The following TRPC5 variants were observed in gnomAD, a reference collection of about 807,000 sequenced individuals.
TRPC5 encodes the protein transient receptor potential cation channel subfamily C member 5.
Under a neutral mutation model 56.5 loss-of-function variants are expected in TRPC5, and 9 were observed. That is an observed-to-expected ratio of 0.16 (90% CI 0.10 to 0.28). The LOEUF (loss-of-function observed/expected upper bound fraction) is 0.28, where lower values mean the gene tolerates loss of function less well. Ranked by LOEUF, TRPC5 falls within the 10% of genes least tolerant of loss-of-function variation. TRPC5 has a pLI of 1.00. For synonymous variants in TRPC5, 282 were observed against 278.5 expected, an observed-to-expected ratio of 1.01 and a Z score of -0.13; for missense variants, 469 against 748.9, an observed-to-expected ratio of 0.63 and a Z score of 4.36.
intron 1 of TRPC5, among the ~76,000 whole-genome samples, chrX:112,034,178 A>AT (rs1929662722): frequency 9.0e-6 from 1 of 111,661 alleles, no homozygotes; most frequent in Admixed American, 9.5e-5. Flanking sequence ...AATGCCATTG[A>AT]TTTTGATATA....
intron 3 of TRPC5, among the ~76,000 whole-genome samples, chrX:111,908,184 G>C (rs766829800): frequency 6.3e-5 from 7 of 111,614 alleles, no homozygotes; most frequent in Admixed American, 3.8e-4. Flanking sequence ...GATTAGGAAG[G>C]ATTACAGTTT....
intron 1 of TRPC5, among the ~76,000 whole-genome samples, chrX:111,972,577 C>T (rs780034450): frequency 3.6e-5 from 4 of 112,311 alleles, no homozygotes; most frequent in Admixed American, 9.4e-5. Context: ...ATTTGCACTG[C>T]GTGCTTGGTG....
At chrX:111,967,470 A>G (rs1427592738) in intron 1 of TRPC5, among the ~76,000 whole-genome samples, 1 of 111,819 alleles carries the variant, frequency 8.9e-6, no homozygotes, top group Non-Finnish European at 1.9e-5. Flanking sequence ...ACAGAACTGG[A>G]AAAAAACTAC....
chrX:112,066,547 G>T (rs936379685), intron 1 of TRPC5, among the ~76,000 whole-genome samples: 2 of 112,089 alleles, frequency 1.8e-5, no homozygotes, highest in African/African-American at 6.5e-5. Flanking sequence ...GAAAAGCATG[G>T]TCTCTTCTCC....
intron 7 of TRPC5, among the ~76,000 whole-genome samples, chrX:111,791,591 A>G (rs948254758): frequency 8.9e-6 from 1 of 112,135 alleles, no homozygotes; most frequent in Non-Finnish European, 1.9e-5. Context: ...CAACATGACC[A>G]TCCAAGGGCT....
intron 7 of TRPC5, among the ~76,000 whole-genome samples, chrX:111,786,626 G>C (rs1286803158): frequency 1.8e-5 from 2 of 110,687 alleles, no homozygotes; most frequent in Non-Finnish European, 3.8e-5. Flanking sequence ...TGGCAAATTG[G>C]ATAAAGAGTC....
intron 1 of TRPC5, among the ~76,000 whole-genome samples, chrX:112,027,585 C>T (rs1242213680): frequency 9.0e-6 from 1 of 111,387 alleles, no homozygotes; most frequent in African/African-American, 3.3e-5. Context: ...CAAGCTCCGC[C>T]TCCCGGGTTC....
intron 7 of TRPC5, among the ~76,000 whole-genome samples, chrX:111,783,123 G>A (rs184736613): frequency 8.9e-6 from 1 of 111,809 alleles, no homozygotes; most frequent in Admixed American, 9.5e-5. Context: ...CTGTGTTTTC[G>A]TATGTATCAA....
chrX:112,048,093 G>A (rs754288796), intron 1 of TRPC5, among the ~76,000 whole-genome samples: 2 of 111,713 alleles, frequency 1.8e-5, no homozygotes, highest in South Asian at 7.4e-4. Context: ...GGGAAAAGTT[G>A]TAAATGATTT....
At chrX:111,804,652 TTGTC>T (rs1921435558) in intron 7 of TRPC5, among the ~76,000 whole-genome samples, 1 of 111,592 alleles carries the variant, frequency 9.0e-6, no homozygotes, top group Non-Finnish European at 1.9e-5. Context: ...GGCTCTCTGT[TTGTC>T]TGTTATTGGT....
chrX:111,773,610 TAATA>T lies in TRPC5; in HGVS notation c.*2699_*2702del, dbSNP rs763356960. 8.9e-5 allele frequency among the ~76,000 whole-genome samples: 10 copies of T among 111,764 alleles called. No homozygotes were observed. The highest frequency in any genetic ancestry group is 3.8e-4 in the South Asian group (1 of 2,609). ...ATCTATATATAACATATATGCTTAC[TAATA>T]AATGTCTTCTATAATCTAGAAGACT... On this transcript the variant is annotated 3_prime_UTR_variant, in exon 11 of 11. Transcript: ENST00000262839.
intron 7 of TRPC5, among the ~76,000 whole-genome samples, chrX:111,818,667 G>A (rs905087880): frequency 5.9e-5 from 6 of 101,208 alleles, no homozygotes; most frequent in Non-Finnish European, 5.9e-5. Flanking sequence ...ACAGCAGCAC[G>A]ATCTTGGCTC....
chrX:111,974,966 T>TG (rs1194501069), intron 1 of TRPC5, among the ~76,000 whole-genome samples: 1 of 111,304 alleles, frequency 9.0e-6, no homozygotes, highest in African/African-American at 3.3e-5. Flanking sequence ...GGGAATGAGA[T>TG]GTTTACAGGG....
At chrX:111,874,605 TG>T (rs201087732) in intron 3 of TRPC5, among the ~76,000 whole-genome samples, 5,981 of 111,034 alleles carry the variant, frequency 0.054, 408 homozygotes, top group African/African-American at 0.19. Context: ...TCTATGAGGG[TG>T]GTATTGTTGC....
chrX:112,045,052 A>G (rs1229821479), intron 1 of TRPC5, among the ~76,000 whole-genome samples: 1 of 112,455 alleles, frequency 8.9e-6, no homozygotes, highest in Admixed American at 9.5e-5. Flanking sequence ...TAATTGGCTG[A>G]TAATAGATAG....
intron 7 of TRPC5, among the ~76,000 whole-genome samples, chrX:111,792,486 A>G (rs375956857): frequency 8.9e-6 from 1 of 111,876 alleles, no homozygotes; most frequent in Non-Finnish European, 1.9e-5. Flanking sequence ...ATTAAAAAAA[A>G]GCACTACCCT....
chrX:111,784,878 A>G (rs1270500842), intron 7 of TRPC5, among the ~76,000 whole-genome samples: 1 of 112,424 alleles, frequency 8.9e-6, no homozygotes, highest in East Asian at 2.8e-4. Flanking sequence ...AGGGGGGTCC[A>G]CCATTGAGGC....
At chrX:112,049,274 G>A in intron 1 of TRPC5, among the ~76,000 whole-genome samples, 1 of 109,500 alleles carries the variant, frequency 9.1e-6, no homozygotes, top group Middle Eastern at 4.7e-3. Flanking sequence ...AGACATTCTG[G>A]AATGCCTATT....
chrX:111,969,745 AAG>A (rs1927727097), intron 1 of TRPC5, among the ~76,000 whole-genome samples: 1 of 111,196 alleles, frequency 9.0e-6, no homozygotes, highest in African/African-American at 3.3e-5. Context: ...AATATTTAGA[AAG>A]AGAGGGAAGA....
Sources: gnomAD v4.1 joint callset for allele counts (sites outside exome capture counted in the v4.1 genomes callset) on GRCh38, gnomAD v4.1.1 for gene constraint, MANE v1.5 for transcripts, NCBI Gene and HGNC (gene_info 2026-07-23, HGNC 2026-07-21) for gene names.